The following BCKDHB variants were observed in gnomAD, a reference collection of about 807,000 sequenced individuals.
BCKDHB encodes the protein branched chain keto acid dehydrogenase E1 subunit beta.
A neutral mutation model predicts 48.5 loss-of-function variants in BCKDHB; 41 were observed. The observed-to-expected ratio is 0.85, with a 90% CI of 0.66 to 1.10. The LOEUF (loss-of-function observed/expected upper bound fraction) is 1.10. BCKDHB is among the 50% of genes least tolerant of loss of function. The pLI is 0.00. For synonymous variants in BCKDHB, 201 were observed against 174.8 expected, an observed-to-expected ratio of 1.15 and a Z score of -1.18; for missense variants, 496 against 494.2, an observed-to-expected ratio of 1.00 and a Z score of -0.03.
intron 9 of BCKDHB, among the ~76,000 whole-genome samples, chr6:80,335,638 T>C (rs1055756934): frequency 2.0e-5 from 3 of 152,078 alleles, no homozygotes; most frequent in African/African-American, 4.8e-5. Context: ...AATTTTAGAC[T>C]TTGAACTTTT....
chr6:80,130,282 C>G (rs1770563373), intron 3 of BCKDHB, among the ~76,000 whole-genome samples: 1 of 152,208 alleles, frequency 6.6e-6, no homozygotes, highest in South Asian at 2.1e-4. Context: ...ATATCTCCCT[C>G]TCTTCTTTCC....
chr6:80,324,477 TG>T (rs1288864201), intron 9 of BCKDHB, among the ~76,000 whole-genome samples: 2 of 151,982 alleles, frequency 1.3e-5, no homozygotes, highest in African/African-American at 4.8e-5. Context: ...AGAAAAGAGA[TG>T]GGACTGTAAC....
At chr6:80,183,009 AC>A in intron 6 of BCKDHB, among the ~76,000 whole-genome samples, 1 of 152,284 alleles carries the variant, frequency 6.6e-6, no homozygotes, top group South Asian at 2.1e-4. Flanking sequence ...TTATGGAACA[AC>A]GAATTGTTTC....
At chr6:80,429,005 A>G in the BCKDHB span, among the ~76,000 whole-genome samples, 2 of 152,108 alleles carry the variant, frequency 1.3e-5, no homozygotes, top group African/African-American at 2.4e-5. Flanking sequence ...ATGGTTTTAC[A>G]TCTTACATTT....
the BCKDHB span, among the ~76,000 whole-genome samples, chr6:80,351,900 C>T: frequency 3.1e-4 from 47 of 151,312 alleles, no homozygotes; most frequent in Non-Finnish European, 5.0e-4. Context: ...CAGCTCACCA[C>T]AACCTCTGCC....
At chr6:80,259,732 G>A (rs1473637092) in intron 8 of BCKDHB, among the ~76,000 whole-genome samples, 1 of 152,156 alleles carries the variant, frequency 6.6e-6, no homozygotes, top group African/African-American at 2.4e-5. Flanking sequence ...AAGGAATACT[G>A]TAAAGTAGAT....
the BCKDHB span, among the ~76,000 whole-genome samples, chr6:80,433,162 G>A: frequency 6.6e-6 from 1 of 152,320 alleles, no homozygotes; most frequent in Admixed American, 6.5e-5. Flanking sequence ...TGAGGAGGCA[G>A]TCTGACCCTT....
intron 6 of BCKDHB, among the ~76,000 whole-genome samples, chr6:80,198,729 A>G (rs561765864): frequency 6.6e-6 from 1 of 152,368 alleles, no homozygotes; most frequent in African/African-American, 2.4e-5. Context: ...TGTGAAAAGA[A>G]AAAATATTAT....
the BCKDHB span, among the ~76,000 whole-genome samples, chr6:80,383,830 G>T: frequency 6.6e-6 from 1 of 151,232 alleles, no homozygotes; most frequent in Admixed American, 6.6e-5. Context: ...ATACAATATG[G>T]GTTTAACATA....
At chr6:80,142,941 A>AGTGTAACAT (rs1181415407) in intron 3 of BCKDHB, among the ~76,000 whole-genome samples, 1 of 152,138 alleles carries the variant, frequency 6.6e-6, no homozygotes, top group African/African-American at 2.4e-5. Flanking sequence ...GGAGATTATC[A>AGTGTAACAT]GTGTAACATT....
At chr6:80,137,464 C>T (rs1770945106) in intron 3 of BCKDHB, among the ~76,000 whole-genome samples, 1 of 152,180 alleles carries the variant, frequency 6.6e-6, no homozygotes, top group Non-Finnish European at 1.5e-5. Flanking sequence ...TCATACTTCA[C>T]TGCAGCCTTG....
chr6:80,169,153 C>T (rs1050107015), intron 5 of BCKDHB, 123 bp downstream of exon 5: 11 of 1,315,866 alleles, frequency 8.4e-6, no homozygotes, highest in East Asian at 2.4e-5. Flanking sequence ...TTTATGTGAA[C>T]TTAACTGTAT....
At chr6:80,254,462 G>T (rs1381992820) in intron 8 of BCKDHB, among the ~76,000 whole-genome samples, 2 of 152,018 alleles carry the variant, frequency 1.3e-5, no homozygotes, top group African/African-American at 4.8e-5. Context: ...TTGAGAGGCC[G>T]AAGCAGGAGG....
the BCKDHB span, among the ~76,000 whole-genome samples, chr6:80,370,333 G>A: frequency 6.6e-6 from 1 of 152,290 alleles, no homozygotes; most frequent in Non-Finnish European, 1.5e-5. Flanking sequence ...CAGAAGACTT[G>A]TGAAAATAAA....
chr6:80,119,023 C>T (rs1207371354), intron 1 of BCKDHB, among the ~76,000 whole-genome samples: 1 of 152,122 alleles, frequency 6.6e-6, no homozygotes, highest in Non-Finnish European at 1.5e-5. Context: ...GGCATGGTGG[C>T]TCACGCGTGT....
chr6:80,135,495 T>C (rs1044569890), intron 3 of BCKDHB, among the ~76,000 whole-genome samples: 1 of 152,264 alleles, frequency 6.6e-6, no homozygotes, highest in African/African-American at 2.4e-5. Flanking sequence ...TTTCCTAATA[T>C]ATTTATTAAA....
intron 9 of BCKDHB, among the ~76,000 whole-genome samples, chr6:80,325,784 C>T (rs1769002788): frequency 6.6e-6 from 1 of 152,170 alleles, no homozygotes; most frequent in African/African-American, 2.4e-5. Context: ...GAGCAAAAAT[C>T]TCATAACCCC....
At chr6:80,381,586 G>A in the BCKDHB span, among the ~76,000 whole-genome samples, 1 of 152,026 alleles carries the variant, frequency 6.6e-6, no homozygotes, top group African/African-American at 2.4e-5. Context: ...TCTGCATTGA[G>A]ATGTCGTGTG....
the BCKDHB span, among the ~76,000 whole-genome samples, chr6:80,442,517 G>A: frequency 6.6e-6 from 1 of 152,088 alleles, no homozygotes; most frequent in Non-Finnish European, 1.5e-5. Context: ...ATGTATAGAA[G>A]AGACCATCTG....
Sources: allele counts gnomAD v4.1 joint callset (sites outside exome capture counted in the v4.1 genomes callset), GRCh38; gene constraint gnomAD v4.1.1; transcripts MANE v1.5; gene names NCBI Gene and HGNC (gene_info 2026-07-23, HGNC 2026-07-21).